Variants in TYW1B observed in about 807,000 individuals in gnomAD.
The protein encoded by TYW1B is tRNA-yW synthesizing protein 1 homolog B, also known as S-adenosyl-L-methionine-dependent tRNA 4-demethylwyosine synthase TYW1B.
TYW1B carries 73 observed loss-of-function variants against 86.9 expected under a neutral mutation model. That is an observed-to-expected ratio of 0.84 (90% CI 0.70 to 1.02). The LOEUF (loss-of-function observed/expected upper bound fraction) is 1.02. Among genes scored for constraint, TYW1B ranks in the 50% least tolerant of loss-of-function variants. The pLI, the probability that TYW1B is intolerant of heterozygous loss-of-function variation, is 0.00. For missense variants in TYW1B, 637 were observed against 827.4 expected (o/e 0.77, Z 2.82); for synonymous variants, 248 against 292.8 (o/e 0.85, Z 1.56).
At position 72,575,116 on chromosome 7, in the gene TYW1B, G is replaced by C. The variant is rs1341728722; in HGVS notation, c.*382C>G. The C allele has an allele frequency of 1.0e-5, 11 of 1,047,770 alleles. No homozygotes were observed. Among genetic ancestry groups the C allele is most frequent in the African/African-American group, 3.4e-5 (2 of 59,458 alleles). 64.9% of individuals were successfully genotyped at this position (1,047,770 alleles called of 1,614,324 possible). A position where few individuals can be genotyped will look rare whatever the true frequency, so the allele number is the denominator to read the frequency against. On this transcript the variant is annotated 3_prime_UTR_variant, in exon 14 of 14. Transcript: ENST00000620995. The stretch of plus-strand genomic sequence containing the variant: ...TAAGTGGCTGCTCCATGAAATCCAA[G>C]GGCCAGGTGAGGGGAAGAGGCCCAG...
intron 11 of TYW1B, among the ~76,000 whole-genome samples, chr7:72,654,646 T>A (rs1813154132): frequency 6.6e-6 from 1 of 152,168 alleles, no homozygotes; most frequent in South Asian, 2.1e-4. Context: ...TTTGGGAGGT[T>A]GAGGCGAGTG....
At chr7:72,585,130 A>G (rs766592262) in intron 13 of TYW1B, among the ~76,000 whole-genome samples, 2 of 152,242 alleles carry the variant, frequency 1.3e-5, no homozygotes, top group African/African-American at 4.8e-5. Context: ...AGAGTCATCT[A>G]TATGGGAGAT....
intron 13 of TYW1B, among the ~76,000 whole-genome samples, chr7:72,603,123 TGGATGGATGGATAGATGGATGGAC>T (rs1190684435): frequency 6.7e-6 from 1 of 149,912 alleles, no homozygotes; most frequent in African/African-American, 2.5e-5. Context: ...GATGGATGGA[TGGATGGATGGATAGATGGATGGAC>T]AGATGGATAG....
At chr7:72,703,094 G>A (rs28761274) in intron 10 of TYW1B, among the ~76,000 whole-genome samples, 30 of 143,946 alleles carry the variant, frequency 2.1e-4, no homozygotes, top group African/African-American at 7.8e-4. Flanking sequence ...GCACTATCTC[G>A]GCTCACTGCA....
chr7:72,721,547 C>T (rs1786901530), intron 9 of TYW1B, among the ~76,000 whole-genome samples: 3 of 152,096 alleles, frequency 2.0e-5, no homozygotes, highest in Admixed American at 2.0e-4. Flanking sequence ...AAAGAGTCCA[C>T]ATGAGACACA....
chr7:72,817,769 G>C (rs1483352648), intron 2 of TYW1B, among the ~76,000 whole-genome samples: 3 of 152,110 alleles, frequency 2.0e-5, no homozygotes, highest in Non-Finnish European at 4.4e-5. Context: ...TGTTCCTTGG[G>C]TTTTTATTAA....
intron 6 of TYW1B, among the ~76,000 whole-genome samples, chr7:72,789,928 G>A (rs1554473097): frequency 1.4e-5 from 2 of 143,482 alleles, no homozygotes; most frequent in African/African-American, 5.1e-5. Context: ...ATTCTCAAGT[G>A]ATAGGATTAT....
intron 12 of TYW1B, among the ~76,000 whole-genome samples, chr7:72,626,089 T>G (rs1351135297): frequency 2.0e-5 from 3 of 151,772 alleles, no homozygotes; most frequent in African/African-American, 7.3e-5. Flanking sequence ...AGCTGCAGTT[T>G]GTATCTTTGC....
chr7:72,662,638 G>C (rs1194581699), intron 11 of TYW1B, among the ~76,000 whole-genome samples: 7 of 152,136 alleles, frequency 4.6e-5, no homozygotes, highest in Non-Finnish European at 7.3e-5. Flanking sequence ...TTTCCCCCCA[G>C]TGTGTGGAAG....
At chr7:72,709,418 C>G (rs1554454231) in intron 10 of TYW1B, among the ~76,000 whole-genome samples, 1 of 152,188 alleles carries the variant, frequency 6.6e-6, no homozygotes, top group African/African-American at 2.4e-5. Context: ...CCTGTAATCC[C>G]AGCACTTTGG....
rs1306350029 is a variant in TYW1B at position 72,822,180 on chromosome 7, A to G, written c.135+4675T>C. On this transcript the variant is annotated intron_variant, in intron 2 of 13. Coordinates refer to ENST00000620995, the MANE Select transcript of TYW1B (RefSeq NM_001145440.3). The stretch of plus-strand genomic sequence containing the variant: ...CCTGTCTCAAAAAAAAAAAAAAAAA[A>G]AAAAGAAGAAGAAGAAAAAAGAAGA... Among the ~76,000 whole-genome samples, 14 of 150,122 alleles carry G rather than the reference A, an allele frequency of 9.3e-5. No individual in the cohort carries two copies. The East Asian group carries it at 2.5e-3, about 27-fold the overall frequency.
Position 72,574,770 on chromosome 7 carries a change from T to G in TYW1B, c.*728A>C. The G allele has an allele frequency of 1.0e-6, 1 of 985,378 alleles. No homozygotes were observed. The highest frequency in any genetic ancestry group is 1.2e-6 in the Non-Finnish European group (1 of 829,930). The allele number at this position is 985,378 out of a possible 1,614,324, so 61.0% of individuals were successfully genotyped here. Reference sequence around the variant, plus strand: ...ATGATCCTCTTCAGTCCAAAGTGTGTTTGTGAGACTAATGACTCCATGCCC... The same window carrying G: ...ATGATCCTCTTCAGTCCAAAGTGTGGTTGTGAGACTAATGACTCCATGCCC... On this transcript the variant is annotated 3_prime_UTR_variant, in exon 14 of 14. Transcript: ENST00000620995.
chr7:72,777,565 T>A, intron 6 of TYW1B, 32 bp from the exon 7 acceptor site: 4 of 1,612,476 alleles, frequency 2.5e-6, no homozygotes, highest in Non-Finnish European at 3.4e-6. Context: ...AAATCCAGAA[T>A]TGGCAATGTG....
At chr7:72,632,358 T>C (rs1320010693) in intron 11 of TYW1B, among the ~76,000 whole-genome samples, 35 of 120,568 alleles carry the variant, frequency 2.9e-4, no homozygotes, top group African/African-American at 1.2e-3. Context: ...ATATATATTA[T>C]ATATATACGC....
Position 72,811,085 on chromosome 7 carries a change from C to T in TYW1B, c.238-420G>A, listed in dbSNP as rs185111142. Among the ~76,000 whole-genome samples the T allele has an allele frequency of 7.3e-3, 1,109 of 151,802 alleles. 7 individuals are homozygous for T. Among genetic ancestry groups the T allele is most frequent in the African/African-American group, 0.025 (1,017 of 41,448 alleles). ...AGGAGATCGAGACCATCCTGGCTAA[C>T]ACGGTGAAACCCGGTCTTTACTAAA... On this transcript the variant is annotated intron_variant, in intron 3 of 13. Coordinates refer to ENST00000620995, the MANE Select transcript of TYW1B (RefSeq NM_001145440.3).
intron 7 of TYW1B, among the ~76,000 whole-genome samples, chr7:72,751,186 C>T (rs1452088526): frequency 2.0e-5 from 3 of 152,038 alleles, no homozygotes; most frequent in Non-Finnish European, 4.4e-5. Context: ...CACAGGTGTG[C>T]GTCAGCACAC....
chr7:72,824,194 A>T (rs1554481058), intron 2 of TYW1B, among the ~76,000 whole-genome samples: 3 of 152,136 alleles, frequency 2.0e-5, no homozygotes, highest in Non-Finnish European at 4.4e-5. Flanking sequence ...CAACTTCCAC[A>T]AGAGGGCAGT....
intron 11 of TYW1B, among the ~76,000 whole-genome samples, chr7:72,655,060 G>C: frequency 6.6e-6 from 1 of 152,114 alleles, no homozygotes. Context: ...TCATCAAGAT[G>C]GTTGACTAGA....
At chr7:72,810,840 C>T (rs1250764022) in intron 3 of TYW1B, among the ~76,000 whole-genome samples, 175 bp from the exon 4 acceptor site, 3 of 151,948 alleles carry the variant, frequency 2.0e-5, no homozygotes, top group Non-Finnish European at 4.4e-5. Context: ...ACAGCTTGCA[C>T]GGGGGAGAAA....
Sources: allele counts gnomAD v4.1 joint callset (sites outside exome capture counted in the v4.1 genomes callset), GRCh38; gene constraint gnomAD v4.1.1; transcripts MANE v1.5; gene names NCBI Gene and HGNC (gene_info 2026-07-23, HGNC 2026-07-21).